Variants in PPM1H observed in about 807,000 individuals in gnomAD.
PPM1H encodes the protein protein phosphatase 1H.
A neutral mutation model predicts 54.9 loss-of-function variants in PPM1H; 27 were observed. The observed-to-expected ratio is 0.49, with a 90% CI of 0.36 to 0.68. The LOEUF (loss-of-function observed/expected upper bound fraction) is 0.68, where lower values mean the gene tolerates loss of function less well. Among genes scored for constraint, PPM1H ranks in the 30% least tolerant of loss-of-function variants. The pLI, the probability that PPM1H is intolerant of heterozygous loss-of-function variation, is 0.00. For missense variants in PPM1H, 596 were observed against 667.8 expected, an observed-to-expected ratio of 0.89 and a Z score of 1.19; for synonymous variants, 305 against 270.8, an observed-to-expected ratio of 1.13 and a Z score of -1.24.
chr12:62,919,792 G>A (rs1343725840), intron 1 of PPM1H, among the ~76,000 whole-genome samples: 1 of 152,080 alleles, frequency 6.6e-6, no homozygotes, highest in Non-Finnish European at 1.5e-5. Context: ...TCTGAGGATG[G>A]CAAGGCAGGT....
chr12:62,895,546 C>T (rs1322131744), intron 1 of PPM1H, among the ~76,000 whole-genome samples: 1 of 152,128 alleles, frequency 6.6e-6, no homozygotes, highest in Non-Finnish European at 1.5e-5. Context: ...TTTGACCCCA[C>T]CAAGTCTCAT....
In PPM1H at chr12:62,919,053, A is replaced by G. The variant is rs896549952; in HGVS notation, c.245+15439T>C. ...GTGGAGATAGAAATTTTTACAAGAG[A>G]AACTTTTGCCAAAGGGTCAAACTCT... On this transcript the variant is annotated intron_variant, in intron 1 of 9. Coordinates refer to ENST00000228705, the MANE Select transcript of PPM1H (RefSeq NM_020700.2). Among the ~76,000 whole-genome samples, 42 of 152,216 alleles carry G rather than the reference A, an allele frequency of 2.8e-4. 1 individual carries two copies. Among genetic ancestry groups the G allele is most frequent in the Non-Finnish European group, 1.5e-5 (1 of 68,046 alleles).
At chr12:62,735,659 C>G (rs1565773087) in intron 5 of PPM1H, among the ~76,000 whole-genome samples, 1 of 152,196 alleles carries the variant, frequency 6.6e-6, no homozygotes, top group Middle Eastern at 3.4e-3. Context: ...GGGGAGAGAC[C>G]AGAACAAGCA....
chr12:62,882,292 G>A (rs1421034827), intron 1 of PPM1H, among the ~76,000 whole-genome samples: 1 of 152,180 alleles, frequency 6.6e-6, no homozygotes, highest in Non-Finnish European at 1.5e-5. Flanking sequence ...ACCCTACAGA[G>A]GCTTTACATA....
rs145882302 is a variant in PPM1H at position 62,792,989 on chromosome 12, T to C, written c.757-4651A>G. On this transcript the variant is annotated intron_variant, in intron 3 of 9. Transcript: ENST00000228705. ...TACATAATAAATAAAAACATGGAAGTATTTTCTTAAAAACCTCAAGTTTTT... is the reference window on the plus strand; with the variant it reads ...TACATAATAAATAAAAACATGGAAGCATTTTCTTAAAAACCTCAAGTTTTT... 3.3e-5 allele frequency among the ~76,000 whole-genome samples: 5 copies of C among 152,342 alleles called. No individual in the cohort carries two copies. In the East Asian group the frequency reaches 9.6e-4, roughly 29 times the overall value.
chr12:62,712,202 C>T (rs1309907109), intron 6 of PPM1H, among the ~76,000 whole-genome samples: 1 of 152,156 alleles, frequency 6.6e-6, no homozygotes, highest in Non-Finnish European at 1.5e-5. Context: ...AATCCCTGGC[C>T]CAGCCATTCT....
At chr12:62,748,191 C>A (rs1211746704) in intron 4 of PPM1H, among the ~76,000 whole-genome samples, 3 of 151,018 alleles carry the variant, frequency 2.0e-5, no homozygotes, top group African/African-American at 7.3e-5. Context: ...TGCAGGGAGC[C>A]GAGATTGCGC....
chr12:62,835,241 C>T (rs985425868), intron 1 of PPM1H, among the ~76,000 whole-genome samples: 3 of 152,204 alleles, frequency 2.0e-5, no homozygotes, highest in Non-Finnish European at 4.4e-5. Context: ...TGCTTCGTCT[C>T]CTGTCTTTCC....
At chr12:62,718,936 A>G (rs2120456924) in intron 6 of PPM1H, among the ~76,000 whole-genome samples, 1 of 152,348 alleles carries the variant, frequency 6.6e-6, no homozygotes. Context: ...TCTGTGATGC[A>G]ACTACTTAAT....
At chr12:62,899,707 A>G (rs1871100341) in intron 1 of PPM1H, among the ~76,000 whole-genome samples, 1 of 152,196 alleles carries the variant, frequency 6.6e-6, no homozygotes, top group Non-Finnish European at 1.5e-5. Flanking sequence ...TGTAAAGACA[A>G]CAAAGCTCAA....
rs1214107857 is a variant in PPM1H at position 62,844,205 on chromosome 12, G to C, written c.246-11926C>G. Among the ~76,000 whole-genome samples the C allele has an allele frequency of 6.6e-6, 1 of 152,174 alleles. No individual in the cohort carries two copies. On this transcript the variant is annotated intron_variant, in intron 1 of 9. Transcript: ENST00000228705. The surrounding 1 kb of genome is among the most constrained non-coding windows in gnomAD (Gnocchi z 5.2). The stretch of plus-strand genomic sequence containing the variant: ...TGGATGGGGTTGGTGTTCCAAAGTG[G>C]GGAAGCTAAGGTTTCACTTATATAG...
intron 3 of PPM1H, among the ~76,000 whole-genome samples, chr12:62,796,841 A>C (rs1402676507): frequency 1.3e-5 from 2 of 152,130 alleles, no homozygotes; most frequent in African/African-American, 4.8e-5. Context: ...ACATTAATAC[A>C]CCTGACATCT....
chr12:62,755,527 T>G, intron 4 of PPM1H: 1 of 662,190 alleles, frequency 1.5e-6, no homozygotes, highest in Non-Finnish European at 2.8e-6. Flanking sequence ...CACCGGTGTC[T>G]TCACCACCAT....
chr12:62,795,711 C>A (rs550903169), intron 3 of PPM1H, among the ~76,000 whole-genome samples: 1 of 151,362 alleles, frequency 6.6e-6, no homozygotes, highest in African/African-American at 2.4e-5. Context: ...GGATTACAGG[C>A]GTGAGCCACC....
chr12:62,858,359 C>T (rs775586326), intron 1 of PPM1H, among the ~76,000 whole-genome samples: 12 of 152,128 alleles, frequency 7.9e-5, no homozygotes, highest in Admixed American at 2.0e-4. Flanking sequence ...ATTGGCTAAG[C>T]CTTTCCCTAG....
intron 8 of PPM1H, among the ~76,000 whole-genome samples, chr12:62,673,424 C>T (rs746327487): frequency 1.3e-5 from 2 of 152,194 alleles, no homozygotes; most frequent in Non-Finnish European, 2.9e-5. Context: ...AGGGCTCATA[C>T]ACCTATAAGC....
chr12:62,677,963 G>T (rs1352279484), intron 8 of PPM1H, among the ~76,000 whole-genome samples: 1 of 152,090 alleles, frequency 6.6e-6, no homozygotes, highest in Non-Finnish European at 1.5e-5. Context: ...CAAAGACAGG[G>T]TCTTGCTCTG....
At chr12:62,854,719 AAC>A (rs77452217) in intron 1 of PPM1H, among the ~76,000 whole-genome samples, 39,842 of 151,984 alleles carry the variant, frequency 0.26, 5,575 homozygotes, top group East Asian at 0.48. Flanking sequence ...ACTTTTATTT[AAC>A]AGACATTGAG....
At chr12:62,666,210 T>C (rs2136611055) in intron 9 of PPM1H, among the ~76,000 whole-genome samples, 1 of 152,296 alleles carries the variant, frequency 6.6e-6, no homozygotes, top group Non-Finnish European at 1.5e-5. Flanking sequence ...CTCAAGCAGC[T>C]GAGACTACAG....
Sources: allele counts gnomAD v4.1 joint callset (sites outside exome capture counted in the v4.1 genomes callset), GRCh38; gene constraint gnomAD v4.1.1; non-coding constraint Gnocchi (gnomAD v3.1); transcripts MANE v1.5; gene names NCBI Gene and HGNC (gene_info 2026-07-23, HGNC 2026-07-21).